The following PPARGC1A variants were observed in gnomAD, a reference collection of about 807,000 sequenced individuals.
PPARGC1A encodes PPARG coactivator 1 alpha.
PPARGC1A carries 25 observed loss-of-function variants against 88.7 expected under a neutral mutation model. That is an observed-to-expected ratio of 0.28 (90% CI 0.21 to 0.39). The LOEUF (loss-of-function observed/expected upper bound fraction) is 0.39, where lower values mean the gene tolerates loss of function less well. Among genes scored for constraint, PPARGC1A ranks in the 10% least tolerant of loss-of-function variants. The pLI, the probability that PPARGC1A is intolerant of heterozygous loss-of-function variation, is 1.00. For synonymous variants in PPARGC1A, 363 were observed against 355.6 expected (o/e 1.02, Z -0.24); for missense variants, 880 against 968.7 (o/e 0.91, Z 1.22).
chr4:24,010,130 T>A, the PPARGC1A span, among the ~76,000 whole-genome samples: 3 of 152,234 alleles, frequency 2.0e-5, no homozygotes. Context: ...TGGCCTCTCC[T>A]ATTATTAATA....
chr4:23,965,354 T>C, the PPARGC1A span, among the ~76,000 whole-genome samples: 2 of 152,210 alleles, frequency 1.3e-5, no homozygotes, highest in Admixed American at 6.5e-5. Flanking sequence ...ATACCACTAA[T>C]GCTTGACACT....
the PPARGC1A span, among the ~76,000 whole-genome samples, chr4:24,271,147 T>G: frequency 2.0e-5 from 3 of 152,222 alleles, no homozygotes; most frequent in South Asian, 2.1e-4. Flanking sequence ...ATCATTATAC[T>G]GTATGATAAT....
chr4:23,877,010 A>G (rs1027917844), intron 2 of PPARGC1A, among the ~76,000 whole-genome samples: 13 of 152,170 alleles, frequency 8.5e-5, no homozygotes, highest in Non-Finnish European at 1.5e-4. Flanking sequence ...TTTGGAAAAG[A>G]AAAGGCACAA....
the PPARGC1A span, among the ~76,000 whole-genome samples, chr4:24,102,837 T>G: frequency 6.6e-6 from 1 of 152,128 alleles, no homozygotes; most frequent in African/African-American, 2.4e-5. Context: ...GATACAACAC[T>G]TGTAGATACA....
At chr4:24,383,505 G>C in the PPARGC1A span, among the ~76,000 whole-genome samples, 15 of 152,102 alleles carry the variant, frequency 9.9e-5, no homozygotes, top group Admixed American at 1.3e-4. Context: ...TCACTAACTA[G>C]AATAACCAGT....
intron 1 of PPARGC1A, among the ~76,000 whole-genome samples, chr4:23,899,087 C>G (rs1195016229): frequency 4.0e-4 from 4 of 10,068 alleles, no homozygotes; most frequent in South Asian, 4.7e-3. Flanking sequence ...TGATCCACCC[C>G]CCCCCGGCCT....
chr4:24,242,120 T>C, the PPARGC1A span, among the ~76,000 whole-genome samples: 1 of 152,202 alleles, frequency 6.6e-6, no homozygotes, highest in Admixed American at 6.5e-5. Flanking sequence ...TCACACTGAC[T>C]GCAACATGAC....
the PPARGC1A span, among the ~76,000 whole-genome samples, chr4:24,042,956 G>C: frequency 6.6e-6 from 1 of 152,026 alleles, no homozygotes; most frequent in African/African-American, 2.4e-5. Flanking sequence ...TGATTGTTTT[G>C]GTGACTCTCA....
the PPARGC1A span, among the ~76,000 whole-genome samples, chr4:23,950,539 G>C: frequency 1.2e-4 from 19 of 152,176 alleles, no homozygotes; most frequent in Non-Finnish European, 2.1e-4. Context: ...GAAAACACTG[G>C]AACTGACTCA....
At chr4:24,206,727 C>A in the PPARGC1A span, among the ~76,000 whole-genome samples, 3,106 of 151,782 alleles carry the variant, frequency 0.02, 118 homozygotes, top group African/African-American at 0.072. Flanking sequence ...GTAATCCCAG[C>A]TACTCAGGAG....
chr4:24,186,314 G>A, the PPARGC1A span, among the ~76,000 whole-genome samples: 13 of 152,154 alleles, frequency 8.5e-5, no homozygotes, highest in African/African-American at 2.7e-4. Flanking sequence ...GTCAAGCAAC[G>A]TCAGAATAGG....
chr4:23,928,174 T>C, the PPARGC1A span, among the ~76,000 whole-genome samples: 3 of 152,180 alleles, frequency 2.0e-5, no homozygotes, highest in African/African-American at 7.2e-5. Context: ...TGGTGCTTCG[T>C]TCGTTCAAGG....
At chr4:24,378,101 C>T in the PPARGC1A span, among the ~76,000 whole-genome samples, 1 of 152,146 alleles carries the variant, frequency 6.6e-6, no homozygotes, top group Admixed American at 6.5e-5. Context: ...CTTTGGGAGG[C>T]TGAGGTGGGT....
At chr4:23,819,701 T>C (rs60276093) in intron 7 of PPARGC1A, among the ~76,000 whole-genome samples, 51,099 of 151,962 alleles carry the variant, frequency 0.34, 9,047 homozygotes, top group Middle Eastern at 0.46. Flanking sequence ...ATGAATGAAA[T>C]TGAAAATAGA....
the PPARGC1A span, among the ~76,000 whole-genome samples, chr4:24,453,841 C>T: frequency 5.9e-5 from 9 of 152,090 alleles, no homozygotes; most frequent in East Asian, 9.7e-4. Flanking sequence ...CCTCCTCCAC[C>T]CCACCTCCAC....
At chr4:24,379,866 C>T in the PPARGC1A span, among the ~76,000 whole-genome samples, 1 of 151,290 alleles carries the variant, frequency 6.6e-6, no homozygotes, top group Non-Finnish European at 1.5e-5. Context: ...GCTATCTCCA[C>T]CTCCCGGGTT....
At chr4:23,815,670 G>C (rs75614222) in intron 7 of PPARGC1A, among the ~76,000 whole-genome samples, 1 of 152,044 alleles carries the variant, frequency 6.6e-6, no homozygotes, top group Non-Finnish European at 1.5e-5. Context: ...CGTTTGTGCC[G>C]AGGAAGAACC....
the PPARGC1A span, among the ~76,000 whole-genome samples, chr4:24,277,312 TAA>T: frequency 1.3e-5 from 2 of 152,134 alleles, no homozygotes; most frequent in African/African-American, 4.8e-5. Context: ...GACTTTGATA[TAA>T]GAGTCATGCC....
the PPARGC1A span, among the ~76,000 whole-genome samples, chr4:24,276,093 G>A: frequency 1.3e-5 from 2 of 152,198 alleles, no homozygotes; most frequent in African/African-American, 2.4e-5. Context: ...AGCAGAGGGA[G>A]GACTTAATGA....
Sources: allele counts gnomAD v4.1 joint callset (sites outside exome capture counted in the v4.1 genomes callset), GRCh38; gene constraint gnomAD v4.1.1; transcripts MANE v1.5; gene names NCBI Gene and HGNC (gene_info 2026-07-23, HGNC 2026-07-21).